Variants in PEBP4 observed in about 807,000 individuals in gnomAD.
PEBP4 encodes the protein phosphatidylethanolamine-binding protein 4.
PEBP4 carries 22 observed loss-of-function variants against 23.9 expected under a neutral mutation model. The ratio of observed to expected loss-of-function variants is 0.92; its 90% CI spans 0.66 to 1.31. The LOEUF (loss-of-function observed/expected upper bound fraction) is 1.31, where lower values mean the gene tolerates loss of function less well. PEBP4 is among the 40% of genes most tolerant of loss of function. The probability of loss-of-function intolerance (pLI) is 0.00; values close to 1 mark genes in which losing one functional copy is unlikely to be tolerated. For synonymous variants in PEBP4, 112 were observed against 99.3 expected (o/e 1.13, Z -0.76); for missense variants, 324 against 281.7 (o/e 1.15, Z -1.07).
At chr8:22,868,252 T>C (rs1178831974) in intron 3 of PEBP4, among the ~76,000 whole-genome samples, 1 of 152,172 alleles carries the variant, frequency 6.6e-6, no homozygotes, top group Non-Finnish European at 1.5e-5. Context: ...TTACTGCTTT[T>C]TAGTAGTGAG....
rs181800434 is a variant in PEBP4, at chr8:22,865,820, C to T, written c.259-48085G>A. On this transcript the variant is annotated intron_variant, in intron 3 of 6. Transcript: ENST00000256404. This position sits in a 1 kb window ranked among gnomAD's most constrained non-coding sequence, Gnocchi z 6.9. ...CGCGAGCGGCGGCGCCTAGAGGGAC[C>T]CCCACCCCGGGCTCGAACTCCCGAC... is the stretch of plus-strand genomic sequence containing the variant. Among the ~76,000 whole-genome samples, 2,602 of 152,226 alleles carry T rather than the reference C, an allele frequency of 0.017. 72 individuals carry two copies. Among genetic ancestry groups the T allele is most frequent in the African/African-American group, 0.06 (2,476 of 41,510 alleles).
chr8:22,830,113 T>TGTG, intron 3 of PEBP4, among the ~76,000 whole-genome samples: 2 of 144,158 alleles, frequency 1.4e-5, no homozygotes, highest in South Asian at 2.2e-4. Flanking sequence ...GGCTGTGGTT[T>TGTG]TGTGTGTGTG....
At chr8:22,849,717 G>A (rs1023896594) in intron 3 of PEBP4, among the ~76,000 whole-genome samples, 3 of 152,192 alleles carry the variant, frequency 2.0e-5, no homozygotes, top group Admixed American at 6.5e-5. Flanking sequence ...GGCCTGGGGT[G>A]TTACTACAAC....
Position 22,865,224 on chromosome 8 carries a change from G to T in PEBP4, c.259-47489C>A, listed in dbSNP as rs1449514958. On this transcript the variant is annotated intron_variant, in intron 3 of 6. Transcript: ENST00000256404. The surrounding 1 kb of genome is among the most constrained non-coding windows in gnomAD (Gnocchi z 6.9). ...CCATTTCTGAAACAGCCTGGGGGGC[G>T]GCGGGAGGGGGAGGGAAGGTGTTTT... Among the ~76,000 whole-genome samples the T allele has an allele frequency of 6.6e-6, 1 of 152,110 alleles. No homozygotes were observed. Among genetic ancestry groups the T allele is most frequent in the Non-Finnish European group, 1.5e-5 (1 of 67,996 alleles).
At chr8:22,858,669 G>A (rs553130026) in intron 3 of PEBP4, among the ~76,000 whole-genome samples, 102 of 152,324 alleles carry the variant, frequency 6.7e-4, no homozygotes, top group African/African-American at 2.3e-3. Context: ...AACAGAGGCT[G>A]GGCCTGGTGG....
intron 3 of PEBP4, among the ~76,000 whole-genome samples, chr8:22,919,826 C>T (rs1809160774): frequency 6.6e-6 from 1 of 152,196 alleles, no homozygotes; most frequent in African/African-American, 2.4e-5. Context: ...CCATACCACG[C>T]CTTCTTCCAC....
intron 3 of PEBP4, among the ~76,000 whole-genome samples, chr8:22,854,926 ATGTGTGTGTGTGTG>A (rs113480248): frequency 1.5e-5 from 2 of 133,218 alleles, no homozygotes; most frequent in Non-Finnish European, 3.2e-5. Flanking sequence ...TGAGATTAGA[ATGTGTGTGTGTGTG>A]TGTGTGTGTG....
chr8:22,790,575 G>A (rs758794494), intron 4 of PEBP4, among the ~76,000 whole-genome samples: 2 of 152,176 alleles, frequency 1.3e-5, no homozygotes, highest in Non-Finnish European at 2.9e-5. Flanking sequence ...GGGGCTGGTT[G>A]GGATGATGGG....
chr8:22,775,472 C>T lies in PEBP4; in HGVS notation c.357+42165G>A, dbSNP rs1252351041. On this transcript the variant is annotated intron_variant, in intron 4 of 6. Transcript: ENST00000256404. This position sits in a 1 kb window ranked among gnomAD's most constrained non-coding sequence, Gnocchi z 4.8. ...CGCAGGGGCCCGTGGGTGGTGTTCA[C>T]GTATGGAGGGGGGGGATTTCTTTTT... 6.6e-6 allele frequency among the ~76,000 whole-genome samples: 1 copy of T among 151,744 alleles called. No individual in the cohort carries two copies. Among genetic ancestry groups the T allele is most frequent in the African/African-American group, 2.4e-5 (1 of 41,264 alleles).
intron 4 of PEBP4, among the ~76,000 whole-genome samples, chr8:22,743,163 C>T (rs992267120): frequency 6.6e-6 from 1 of 152,158 alleles, no homozygotes; most frequent in African/African-American, 2.4e-5. Flanking sequence ...CTTGGGCTAC[C>T]TGACCTCCCC....
At chr8:22,851,814 G>A (rs968312268) in intron 3 of PEBP4, among the ~76,000 whole-genome samples, 1 of 151,972 alleles carries the variant, frequency 6.6e-6, no homozygotes, top group Non-Finnish European at 1.5e-5. Context: ...AGAGACAGCC[G>A]GATGCACTGC....
chr8:22,938,042 C>T (rs1034712537), intron 1 of PEBP4, among the ~76,000 whole-genome samples: 8 of 152,198 alleles, frequency 5.3e-5, no homozygotes, highest in South Asian at 4.2e-4. Context: ...TTACATAGGA[C>T]ACCAAAAGCG....
At chr8:22,937,854 A>G (rs1809560200) in intron 1 of PEBP4, among the ~76,000 whole-genome samples, 1 of 152,084 alleles carries the variant, frequency 6.6e-6, no homozygotes. Context: ...GGGTGCTGAA[A>G]ATGATTCTGG....
Position 22,817,626 on chromosome 8 carries a change from G to A in PEBP4, c.357+11C>T. The A allele has an allele frequency of 1.9e-6, 3 of 1,610,664 alleles. No individual in the cohort carries two copies. The highest frequency in any genetic ancestry group is 1.1e-5 in the South Asian group (1 of 91,018). ...CCAAATGCGTCAGAGAGTGCCTCTT[G>A]GCCTGCTTACCTTGATATCTGTTAC... On this transcript the variant is annotated intron_variant, in intron 4 of 6. Transcript: ENST00000256404.
At chr8:22,807,512 A>C (rs1292552489) in intron 4 of PEBP4, among the ~76,000 whole-genome samples, 2 of 152,068 alleles carry the variant, frequency 1.3e-5, no homozygotes, top group African/African-American at 2.4e-5. Flanking sequence ...AGGAGGGGAA[A>C]CTCTTAGTAG....
At chr8:22,912,273 A>T (rs964076022) in intron 3 of PEBP4, among the ~76,000 whole-genome samples, 1 of 152,226 alleles carries the variant, frequency 6.6e-6, no homozygotes, top group African/African-American at 2.4e-5. Flanking sequence ...AACAATGGAC[A>T]TTCTCACTAT....
chr8:22,928,089 C>T (rs2466226), upstream of PEBP4, among the ~76,000 whole-genome samples: 58,764 of 151,864 alleles, frequency 0.39, 12,200 homozygotes, highest in East Asian at 0.57. Context: ...GCTGTTGGCC[C>T]AGGGATGGTC....
rs572430327 is a variant in PEBP4 at position 22,868,845 on chromosome 8, G to A, written c.259-51110C>T. ...AGCCTCCTTCCTTCCTTCCATCTGG[G>A]CATCCTGGGCAGCCTGTTTTCAACA... On this transcript the variant is annotated intron_variant, in intron 3 of 6. Coordinates refer to ENST00000256404, the MANE Select transcript of PEBP4 (RefSeq NM_144962.3). Among the ~76,000 whole-genome samples the A allele has an allele frequency of 5.3e-5, 8 of 151,954 alleles. No individual in the cohort carries two copies. In the South Asian group the frequency reaches 1.7e-3, roughly 32 times the overall value.
intron 3 of PEBP4, among the ~76,000 whole-genome samples, chr8:22,867,919 A>G (rs1353770169): frequency 6.6e-6 from 1 of 152,236 alleles, no homozygotes; most frequent in Admixed American, 6.5e-5. Context: ...TTGGCCTGAT[A>G]CTTGTCCAAT....
Sources: gnomAD v4.1 joint callset for allele counts (sites outside exome capture counted in the v4.1 genomes callset) on GRCh38, gnomAD v4.1.1 for gene constraint, Gnocchi (gnomAD v3.1) non-coding constraint, MANE v1.5 for transcripts, NCBI Gene and HGNC (gene_info 2026-07-23, HGNC 2026-07-21) for gene names.